PGAM5: variants seen among roughly 807,000 people sequenced by gnomAD.
PGAM5 encodes PGAM family member 5, mitochondrial serine/threonine protein phosphatase.
PGAM5 carries 25 observed loss-of-function variants against 30.6 expected under a neutral mutation model. The ratio of observed to expected loss-of-function variants is 0.82; its 90% CI spans 0.60 to 1.14. The LOEUF is 1.14. PGAM5 is among the 50% of genes most tolerant of loss of function. PGAM5 has a pLI of 0.00. For missense variants in PGAM5, 384 were observed against 408.5 expected, an observed-to-expected ratio of 0.94 and a Z score of 0.52; for synonymous variants, 201 against 179.1, an observed-to-expected ratio of 1.12 and a Z score of -0.98.
intron 5 of PGAM5, chr12:132,718,783 T>C (rs1375995580): frequency 1.2e-6 from 2 of 1,613,586 alleles, no homozygotes; most frequent in Non-Finnish European, 1.7e-6. Flanking sequence ...TGTTGTCCGC[T>C]GGGGATTTTG....
rs555782499 is a variant in PGAM5 at position 132,714,752 on chromosome 12, C to T, written c.192-106C>T. ...CTGTGCCAAGGGCCTTGTCTTCTCT[C>T]CATGCTCTTCCCAAATAGTCTGACA... On this transcript the variant is annotated intron_variant, in intron 1 of 5. Coordinates refer to ENST00000498926, the MANE Select transcript of PGAM5 (RefSeq NM_001170543.2). 1.1e-3 allele frequency: 1,475 copies of T among 1,332,324 alleles called. 2 individuals are homozygous for T. Among genetic ancestry groups the T allele is most frequent in the Non-Finnish European group, 1.4e-3 (1,325 of 957,140 alleles). 82.5% of individuals were successfully genotyped at this position (1,332,324 alleles called of 1,614,324 possible).
In PGAM5 at chr12:132,720,820, C is replaced by T. The variant is rs746625849; in HGVS notation, c.862C>T (p.Arg288Ter). The part of the protein sequence containing the change: ...TGFMPPDKIT[R>*]S ...GTTCATGCCTCCCGACAAGATCACT[C>T]GATCCTGAGGGCTCCGGCCTCTCCT... The change falls in exon 6 of 6, where the codon CGA (arginine) becomes TGA (stop). Residue 288 changes from arginine to a stop codon, truncating the protein, a stop_gained. Transcript: ENST00000498926. LOFTEE classifies it high-confidence loss of function. 16 of 1,536,264 alleles carry T rather than the reference C, an allele frequency of 1.0e-5. No individual in the cohort carries two copies. The East Asian group carries it at 3.2e-4, about 31-fold the overall frequency.
At chr12:132,715,281 C>G (rs909305006) in intron 2 of PGAM5, among the ~76,000 whole-genome samples, 1 of 152,208 alleles carries the variant, frequency 6.6e-6, no homozygotes, top group Non-Finnish European at 1.5e-5. Context: ...TCAAAATGTC[C>G]TTACCTTGGC....
At chr12:132,713,166 G>GA (rs1334919069) in intron 1 of PGAM5, among the ~76,000 whole-genome samples, 4 of 151,578 alleles carry the variant, frequency 2.6e-5, no homozygotes, top group South Asian at 2.1e-4. Context: ...TCTCAAAAAA[G>GA]AAAAAAAAGA....
At chr12:132,715,079 GT>G in intron 2 of PGAM5, 43 bp downstream of exon 2, 3 of 1,499,994 alleles carry the variant, frequency 2.0e-6, no homozygotes, top group Non-Finnish European at 2.7e-6. Context: ...TCGTGGTTAT[GT>G]GGCCAGGTGC....
At chr12:132,712,101 C>G (rs1008316344) in intron 1 of PGAM5, among the ~76,000 whole-genome samples, 6 of 152,170 alleles carry the variant, frequency 3.9e-5, no homozygotes, top group African/African-American at 1.4e-4. Flanking sequence ...CTTATTTCCT[C>G]TATTATTAGC....
At chr12:132,711,966 G>A (rs2043527238) in intron 1 of PGAM5, among the ~76,000 whole-genome samples, 1 of 152,102 alleles carries the variant, frequency 6.6e-6, no homozygotes, top group Admixed American at 6.5e-5. Context: ...GACTGCTCTA[G>A]CGGCAAGGAT....
At chr12:132,712,868 T>C (rs1406285689) in intron 1 of PGAM5, among the ~76,000 whole-genome samples, 1 of 152,158 alleles carries the variant, frequency 6.6e-6, no homozygotes, top group Non-Finnish European at 1.5e-5. Flanking sequence ...GTTAAAGAAC[T>C]TGAAGTAGGC....
intron 5 of PGAM5, chr12:132,718,926 C>T: frequency 1.3e-6 from 2 of 1,565,446 alleles, no homozygotes; most frequent in Non-Finnish European, 1.7e-6. Context: ...GCTCGGGCTG[C>T]TCCCTCGGGG....
In PGAM5 at chr12:132,718,013, C is replaced by A; in HGVS notation, c.612C>A (p.Ile204=). ...AGTATTACGAAGACGGAGCCCGGAT[C>A]GAGGCCGCCTTCCGGAACTACATCC... The part of the protein sequence containing the change: ...AVQYYEDGAR[I]EAAFRNYIHR... Residue 204 remains isoleucine (I), a synonymous_variant, in exon 5 of 6, where the codon ATC becomes ATA. Coordinates refer to ENST00000498926, the MANE Select transcript of PGAM5 (RefSeq NM_001170543.2). 1 of 1,612,790 alleles carries A rather than the reference C, an allele frequency of 6.2e-7. No homozygotes were observed. The highest frequency in any genetic ancestry group is 8.5e-7 in the Non-Finnish European group (1 of 1,179,994).
intron 5 of PGAM5, among the ~76,000 whole-genome samples, chr12:132,720,155 C>T (rs1292245804): frequency 1.5e-5 from 1 of 66,798 alleles, no homozygotes; most frequent in Non-Finnish European, 3.4e-5. Context: ...CGAGAAGCCC[C>T]GACTGAAGAC....
chr12:132,719,463 G>A lies in PGAM5; in HGVS notation c.720-1215G>A, dbSNP rs201954716. 3.9e-5 allele frequency among the ~76,000 whole-genome samples: 6 copies of A among 152,318 alleles called. No homozygotes were observed. The East Asian group carries it at 5.8e-4, about 15-fold the overall frequency. ...AGCTTTTCTGGGGGTTGGAGCCTCC[G>A]GGTGGTGTGGCCTCAGGCTAAGTGA... is the stretch of plus-strand genomic sequence containing the variant. On this transcript the variant is annotated intron_variant, in intron 5 of 5. Transcript: ENST00000498926.
chr12:132,717,991 A>G lies in PGAM5; in HGVS notation c.590A>G (p.Tyr197Cys). 6.2e-7 allele frequency: 1 copy of G among 1,612,708 alleles called. No individual in the cohort carries two copies. Among genetic ancestry groups the G allele is most frequent in the South Asian group, 1.1e-5 (1 of 91,080 alleles). ...GGCTCCTCACTCTGCCCCCAGCAGT[A>G]TTACGAAGACGGAGCCCGGATCGAG... ...VSHWKPEAVQ[Y>C]YEDGARIEAA... The change falls in exon 5 of 6, where the codon TAT (tyrosine) becomes TGT (cysteine). Residue 197 changes from tyrosine (Y) to cysteine (C), a missense_variant. Physicochemically the swap from Tyr to Cys is radical, Grantham distance 194 (BLOSUM62 -2). Coordinates refer to ENST00000498926, the MANE Select transcript of PGAM5 (RefSeq NM_001170543.2).
Position 132,711,034 on chromosome 12 carries a change from C to T in PGAM5, c.158C>T (p.Pro53Leu), listed in dbSNP as rs1317647011. The change falls in exon 1 of 6, where the codon CCG (proline) becomes CTG (leucine). Residue 53 changes from proline (P) to leucine (L), a missense_variant. Pro to Leu is a moderately conservative substitution (Grantham distance 98, BLOSUM62 -3). Transcript: ENST00000498926. Reference protein sequence around the residue: ...EPPAWAGGARPGPGVWDPNWD... With the variant: ...EPPAWAGGARLGPGVWDPNWD... ...CCGGCCTGGGCGGGGGGCGCGCGGC[C>T]GGGCCCCGGTGTCTGGGACCCCAAC... 37 of 1,213,192 alleles carry T rather than the reference C, an allele frequency of 3.0e-5. No individual in the cohort carries two copies. The Admixed American group carries it at 1.0e-3, about 34-fold the overall frequency. 75.2% of individuals were successfully genotyped at this position (1,213,192 alleles called of 1,614,324 possible). A position where few individuals can be genotyped will look rare whatever the true frequency, so the allele number is the denominator to read the frequency against.
chr12:132,720,098 T>TCGATTCAC, intron 5 of PGAM5, among the ~76,000 whole-genome samples: 1 of 148,920 alleles, frequency 6.7e-6, no homozygotes, highest in African/African-American at 2.5e-5. Context: ...GCTCCATTCA[T>TCGATTCAC]GTCGATCCCA....
Position 132,714,764 on chromosome 12 carries a change from C to G in PGAM5, c.192-94C>G, listed in dbSNP as rs887804790. 11 of 1,448,200 alleles carry G rather than the reference C, an allele frequency of 7.6e-6. No individual in the cohort carries two copies. In the African/African-American group the frequency reaches 1.4e-4, roughly 18 times the overall value. The allele number at this position is 1,448,200 out of a possible 1,614,324, so 89.7% of individuals were successfully genotyped here. A position where few individuals can be genotyped will look rare whatever the true frequency, so the allele number is the denominator to read the frequency against. On this transcript the variant is annotated intron_variant, in intron 1 of 5. Transcript: ENST00000498926. Reference sequence around the variant, plus strand: ...CCTTGTCTTCTCTCCATGCTCTTCCCAAATAGTCTGACAATTTGGAAATAA... The same window carrying G: ...CCTTGTCTTCTCTCCATGCTCTTCCGAAATAGTCTGACAATTTGGAAATAA...
At chr12:132,718,817 T>C (rs1323880688) in intron 5 of PGAM5, 1 of 1,613,486 alleles carries the variant, frequency 6.2e-7, no homozygotes, top group South Asian at 1.1e-5. Flanking sequence ...CTGACCTCTT[T>C]CACTTGCTGA....
At chr12:132,714,000 T>C (rs915231611) in intron 1 of PGAM5, among the ~76,000 whole-genome samples, 2 of 152,044 alleles carry the variant, frequency 1.3e-5, no homozygotes, top group African/African-American at 4.8e-5. Context: ...GAATGTTTTC[T>C]TCCTCACTGA....
In PGAM5 at chr12:132,710,937, G is replaced by C. The variant is rs953965111; in HGVS notation, c.61G>C (p.Val21Leu). Reference sequence around the variant, plus strand: ...CGGGCTGGCCGGGGGCTCGGCCGCCGTGCTCTTCTCGGCCGTGGCGGTAGG... The same window carrying C: ...CGGGCTGGCCGGGGGCTCGGCCGCCCTGCTCTTCTCGGCCGTGGCGGTAGG... Reference protein sequence around the residue: ...ACGLAGGSAAVLFSAVAVGKP... With the variant: ...ACGLAGGSAALLFSAVAVGKP... The change falls in exon 1 of 6, where the codon GTG (valine) becomes CTG (leucine). Residue 21 changes from valine to leucine, a missense_variant. Transcript: ENST00000498926. The C allele has an allele frequency of 3.7e-5, 43 of 1,170,328 alleles. No homozygotes were observed. The highest frequency in any genetic ancestry group is 4.0e-5 in the Non-Finnish European group (38 of 949,624). The allele number at this position is 1,170,328 out of a possible 1,614,324, so 72.5% of individuals were successfully genotyped here.
Sources: allele counts gnomAD v4.1 joint callset (sites outside exome capture counted in the v4.1 genomes callset), GRCh38; gene constraint gnomAD v4.1.1; transcripts MANE v1.5; gene names NCBI Gene and HGNC (gene_info 2026-07-23, HGNC 2026-07-21).